NXPH1: variants seen among roughly 807,000 people sequenced by gnomAD.
The protein encoded by NXPH1 is neurexophilin 1.
Under a neutral mutation model 23.7 loss-of-function variants are expected in NXPH1, and 5 were observed. The ratio of observed to expected loss-of-function variants is 0.21; its 90% confidence interval spans 0.11 to 0.44. The LOEUF (loss-of-function observed/expected upper bound fraction) is 0.44. Among genes scored for constraint, NXPH1 ranks in the 20% least tolerant of loss-of-function variants. The pLI is 0.99. For synonymous variants in NXPH1, 144 were observed against 122.2 expected (o/e 1.18, Z -1.18); for missense variants, 324 against 321.6 (o/e 1.01, Z -0.06).
rs181986966 is a variant in NXPH1 at position 8,479,783 on chromosome 7, T to C, written c.54+44016T>C. The stretch of plus-strand genomic sequence containing the variant: ...GGAATCAATTTTAAGAACCTCCAAT[T>C]GGGACAATTTAAGCTTCAAAAGAGA... On this transcript the variant is annotated intron_variant, in intron 2 of 2. Coordinates refer to ENST00000405863, the MANE Select transcript of NXPH1 (RefSeq NM_152745.3). Among the ~76,000 whole-genome samples, 241 of 152,176 alleles carry C rather than the reference T, an allele frequency of 1.6e-3. 1 individual carries two copies. The highest frequency in any genetic ancestry group is 5.4e-3 in the African/African-American group (225 of 41,554).
rs541195003 is a variant in NXPH1 at position 8,704,278 on chromosome 7, A to G, written c.55-46730A>G. 1.2e-4 allele frequency among the ~76,000 whole-genome samples: 18 copies of G among 152,256 alleles called. No individual in the cohort carries two copies. In the South Asian group the frequency reaches 2.9e-3, roughly 25 times the overall value. On this transcript the variant is annotated intron_variant, in intron 2 of 2. Coordinates refer to ENST00000405863, the MANE Select transcript of NXPH1 (RefSeq NM_152745.3). ...TGAAATCCTAGAACTTCTGTGGCAT[A>G]CTATGAAGGAAGGAATAAAAGAGCA...
intron 2 of NXPH1, among the ~76,000 whole-genome samples, chr7:8,589,603 T>C (rs765131953): frequency 1.1e-4 from 17 of 152,006 alleles, no homozygotes; most frequent in Non-Finnish European, 2.5e-4. Flanking sequence ...GACAAGAGCA[T>C]TGGTCATGCA....
intron 2 of NXPH1, among the ~76,000 whole-genome samples, chr7:8,517,092 C>T (rs1817698077): frequency 6.6e-6 from 1 of 152,102 alleles, no homozygotes. Context: ...CATAATAAAG[C>T]ACCAAGAACA....
chr7:8,686,493 C>T (rs1821146985), intron 2 of NXPH1, among the ~76,000 whole-genome samples: 1 of 151,870 alleles, frequency 6.6e-6, no homozygotes, highest in South Asian at 2.1e-4. Context: ...TAATATAGTG[C>T]CTGGTTTTGT....
At position 8,568,352 on chromosome 7, in the gene NXPH1, T is replaced by C. The variant is rs192550534; in HGVS notation, c.54+132585T>C. 2.6e-4 allele frequency among the ~76,000 whole-genome samples: 40 copies of C among 152,090 alleles called. No individual in the cohort carries two copies. In the Middle Eastern group the frequency reaches 0.01, roughly 39 times the overall value. ...TTAGCTACATTCTCCCTCCTGATGC[T>C]ATGATTTTTAAAAATCTCATGCTTT... On this transcript the variant is annotated intron_variant, in intron 2 of 2. Coordinates refer to ENST00000405863, the MANE Select transcript of NXPH1 (RefSeq NM_152745.3).
intron 2 of NXPH1, among the ~76,000 whole-genome samples, chr7:8,491,512 C>T (rs565904565): frequency 2.0e-5 from 3 of 152,114 alleles, no homozygotes; most frequent in African/African-American, 4.8e-5. Flanking sequence ...GATTACATCA[C>T]GATCTCCATT....
chr7:8,703,179 C>G (rs1455440087), intron 2 of NXPH1, among the ~76,000 whole-genome samples: 3 of 152,106 alleles, frequency 2.0e-5, no homozygotes, highest in Non-Finnish European at 4.4e-5. Flanking sequence ...TACCAGCATC[C>G]ACAAAGCAGT....
intron 2 of NXPH1, among the ~76,000 whole-genome samples, chr7:8,650,761 A>C (rs1820477827): frequency 6.6e-6 from 1 of 152,230 alleles, no homozygotes; most frequent in Non-Finnish European, 1.5e-5. Flanking sequence ...ATGACTGGAA[A>C]AAGTGAAATG....
intron 2 of NXPH1, among the ~76,000 whole-genome samples, chr7:8,506,560 G>A (rs1470197286): frequency 6.6e-6 from 1 of 152,162 alleles, no homozygotes; most frequent in Admixed American, 6.5e-5. Flanking sequence ...TACCATCTCT[G>A]CTCTCCCTGA....
intron 2 of NXPH1, among the ~76,000 whole-genome samples, chr7:8,533,290 G>T (rs1048438288): frequency 4.6e-5 from 7 of 151,902 alleles, no homozygotes; most frequent in Non-Finnish European, 1.0e-4. Context: ...TTGTCTTCCT[G>T]GTTAATCTGT....
chr7:8,498,678 A>G (rs1817380179), intron 2 of NXPH1, among the ~76,000 whole-genome samples: 1 of 152,060 alleles, frequency 6.6e-6, no homozygotes, highest in African/African-American at 2.4e-5. Context: ...GATACTGATA[A>G]TTGTGTGTTA....
Position 8,672,739 on chromosome 7 carries a change from GT to G in NXPH1, c.55-78268del, listed in dbSNP as rs1820891200. ...TGGTTTCAACTTATACGAACACTGTGTGCTAACAGCTGTGGGTCCGTCCTCC... is the reference window on the plus strand; with the variant it reads ...TGGTTTCAACTTATACGAACACTGTGGCTAACAGCTGTGGGTCCGTCCTCC... On this transcript the variant is annotated intron_variant, in intron 2 of 2. Coordinates refer to ENST00000405863, the MANE Select transcript of NXPH1 (RefSeq NM_152745.3). Among the ~76,000 whole-genome samples, 2 of 152,206 alleles carry G rather than the reference GT, an allele frequency of 1.3e-5. 1 individual carries two copies. The highest frequency in any genetic ancestry group is 1.3e-4 in the Admixed American group (2 of 15,272).
intron 2 of NXPH1, among the ~76,000 whole-genome samples, chr7:8,717,246 C>T (rs1014306923): frequency 6.6e-6 from 1 of 151,946 alleles, no homozygotes; most frequent in Non-Finnish European, 1.5e-5. Flanking sequence ...TATTCTTGTT[C>T]TGATTTTAAG....
intron 2 of NXPH1, among the ~76,000 whole-genome samples, chr7:8,622,626 T>C (rs913642997): frequency 6.6e-6 from 1 of 152,186 alleles, no homozygotes; most frequent in African/African-American, 2.4e-5. Context: ...AACTGAAAGT[T>C]TGAATTTTCC....
rs147441465 is a variant in NXPH1 at position 8,608,837 on chromosome 7, T to C, written c.55-142171T>C. ...TTATATAAAAATCCAAAGAGTCATATTGTAAGTACTGACAGGTATACTAGG... is the reference window on the plus strand; with the variant it reads ...TTATATAAAAATCCAAAGAGTCATACTGTAAGTACTGACAGGTATACTAGG... On this transcript the variant is annotated intron_variant, in intron 2 of 2. Transcript: ENST00000405863. Among the ~76,000 whole-genome samples the C allele has an allele frequency of 4.5e-3, 682 of 152,306 alleles. 5 individuals are homozygous for C. Among genetic ancestry groups the C allele is most frequent in the African/African-American group, 0.015 (644 of 41,568 alleles).
intron 2 of NXPH1, among the ~76,000 whole-genome samples, chr7:8,560,791 C>T (rs1051581363): frequency 6.6e-6 from 1 of 151,638 alleles, no homozygotes; most frequent in African/African-American, 2.4e-5. Context: ...TTTTCTTTGG[C>T]ATTTAGCTCC....
In NXPH1 at chr7:8,752,808, A is replaced by G. The variant is rs1780588138; in HGVS notation, c.*1039A>G. 6.6e-6 allele frequency: 1 copy of G among 152,596 alleles called. No individual in the cohort carries two copies. The highest frequency in any genetic ancestry group is 2.1e-4 in the South Asian group (1 of 4,832). The allele number at this position is 152,596 out of a possible 1,614,324, so 9.5% of individuals were successfully genotyped here. On this transcript the variant is annotated 3_prime_UTR_variant, in exon 3 of 3. Coordinates refer to ENST00000405863, the MANE Select transcript of NXPH1 (RefSeq NM_152745.3). ...TATCAATGTAGCTGTGAAGGCCATT[A>G]AAAAGACAAACTTAATGTACAGAGC...
At chr7:8,690,692 T>C (rs1161228142) in intron 2 of NXPH1, among the ~76,000 whole-genome samples, 1 of 152,202 alleles carries the variant, frequency 6.6e-6, no homozygotes, top group Non-Finnish European at 1.5e-5. Context: ...GTTTACCTTG[T>C]ATATATGTCT....
At chr7:8,528,124 G>A (rs10236216) in intron 2 of NXPH1, among the ~76,000 whole-genome samples, 1 of 152,058 alleles carries the variant, frequency 6.6e-6, no homozygotes, top group South Asian at 2.1e-4. Flanking sequence ...GGGGAGAGAG[G>A]AGTGGGGAAG....
Sources: allele counts gnomAD v4.1 joint callset (sites outside exome capture counted in the v4.1 genomes callset), GRCh38; gene constraint gnomAD v4.1.1; transcripts MANE v1.5; gene names NCBI Gene and HGNC (gene_info 2026-07-23, HGNC 2026-07-21).